The following RFX4 variants were observed in gnomAD, a reference collection of about 807,000 sequenced individuals.
RFX4 encodes regulatory factor X4, also known as transcription factor RFX4.
RFX4 carries 10 observed loss-of-function variants against 95.0 expected under a neutral mutation model. The ratio of observed to expected loss-of-function variants is 0.11; its 90% CI spans 0.06 to 0.18. The LOEUF (loss-of-function observed/expected upper bound fraction) is 0.18. Among genes scored for constraint, RFX4 ranks in the 10% least tolerant of loss-of-function variants. The probability of loss-of-function intolerance (pLI) is 1.00; values close to 1 mark genes in which losing one functional copy is unlikely to be tolerated. For missense variants in RFX4, 640 were observed against 922.0 expected, an observed-to-expected ratio of 0.69 and a Z score of 3.96; for synonymous variants, 321 against 340.7, an observed-to-expected ratio of 0.94 and a Z score of 0.64.
intron 1 of RFX4, chr12:106,585,855 C>T (rs1213173470): frequency 1.3e-5 from 2 of 152,238 alleles, no homozygotes; most frequent in Non-Finnish European, 2.9e-5. Flanking sequence ...AAGGAAAATC[C>T]CCGCGAAGTG....
At chr12:106,737,441 G>A (rs751517505) in intron 15 of RFX4, among the ~76,000 whole-genome samples, 13 of 152,030 alleles carry the variant, frequency 8.6e-5, no homozygotes, top group Non-Finnish European at 1.6e-4. Flanking sequence ...TGTGAGGAGT[G>A]CTAGGTTGGA....
intron 13 of RFX4, among the ~76,000 whole-genome samples, chr12:106,731,819 G>C (rs2042617120): frequency 6.6e-6 from 1 of 152,028 alleles, no homozygotes; most frequent in South Asian, 2.1e-4. Context: ...GAGGCCAGTG[G>C]GTAAGCAAGA....
chr12:106,631,097 C>A (rs1419543672), intron 2 of RFX4, among the ~76,000 whole-genome samples: 4 of 152,178 alleles, frequency 2.6e-5, no homozygotes, highest in African/African-American at 9.7e-5. Context: ...TAAGGCACTG[C>A]ATTTGATGTT....
chr12:106,754,469 G>A (rs1017692420), intron 17 of RFX4, among the ~76,000 whole-genome samples: 15 of 152,230 alleles, frequency 9.9e-5, no homozygotes, highest in African/African-American at 3.6e-4. Context: ...TGCTTTGGTA[G>A]AGCTTATGCT....
At chr12:106,597,601 G>A (rs936411214) in intron 1 of RFX4, among the ~76,000 whole-genome samples, 1 of 152,244 alleles carries the variant, frequency 6.6e-6, no homozygotes, top group Non-Finnish European at 1.5e-5. Context: ...GCTCAAGGAG[G>A]TTGAGTCCCT....
At chr12:106,688,215 G>A (rs995574040) in intron 6 of RFX4, among the ~76,000 whole-genome samples, 6 of 151,732 alleles carry the variant, frequency 4.0e-5, no homozygotes, top group East Asian at 3.9e-4. Flanking sequence ...GATTACAGGC[G>A]CCCGCCATCA....
At chr12:106,660,218 A>T (rs2041044838) in intron 4 of RFX4, among the ~76,000 whole-genome samples, 1 of 151,980 alleles carries the variant, frequency 6.6e-6, no homozygotes, top group Non-Finnish European at 1.5e-5. Context: ...GGAGATATAT[A>T]CACATGAGTG....
chr12:106,634,542 T>G (rs1369439622), intron 2 of RFX4, among the ~76,000 whole-genome samples: 1 of 152,212 alleles, frequency 6.6e-6, no homozygotes, highest in Non-Finnish European at 1.5e-5. Flanking sequence ...ATGACTGTCT[T>G]AAGACTTAAA....
intron 2 of RFX4, among the ~76,000 whole-genome samples, chr12:106,627,917 G>C (rs2040336624): frequency 6.6e-6 from 1 of 152,192 alleles, no homozygotes; most frequent in African/African-American, 2.4e-5. Context: ...CCTAGAGCTA[G>C]GGCAACACTG....
rs535183411 is a variant in RFX4, at chr12:106,622,255, A to G, written c.130+13372A>G. Among the ~76,000 whole-genome samples, 5 of 152,256 alleles carry G rather than the reference A, an allele frequency of 3.3e-5. No homozygotes were observed. The East Asian group carries it at 7.7e-4, about 23-fold the overall frequency. ...AAAATATAATATAACTTACAGTCCCACAACTGTAAGTTACATGTACATATA... is the reference window on the plus strand; with the variant it reads ...AAAATATAATATAACTTACAGTCCCGCAACTGTAAGTTACATGTACATATA... On this transcript the variant is annotated intron_variant, in intron 2 of 17. Transcript: ENST00000392842.
Position 106,655,347 on chromosome 12 carries a change from TG to T in RFX4, c.315+997del, listed in dbSNP as rs531336699. Among the ~76,000 whole-genome samples, 845 of 152,312 alleles carry T rather than the reference TG, an allele frequency of 5.5e-3. 5 individuals carry two copies. Among genetic ancestry groups the T allele is most frequent in the African/African-American group, 0.019 (785 of 41,566 alleles). On this transcript the variant is annotated intron_variant, in intron 4 of 17. Coordinates refer to ENST00000392842, the MANE Select transcript of RFX4 (RefSeq NM_213594.3). ...CATGATTTCTCCAAAGTGAAAGGGA[TG>T]TTTTTTTAAAAGTCAGTGGAGAAAC...
chr12:106,705,495 C>G (rs1045191335), intron 8 of RFX4, among the ~76,000 whole-genome samples: 19 of 152,012 alleles, frequency 1.2e-4, no homozygotes, highest in Admixed American at 5.2e-4. Context: ...CCACAGAGGA[C>G]AGTATGTCAA....
At chr12:106,641,825 A>G (rs2040628835) in intron 3 of RFX4, among the ~76,000 whole-genome samples, 1 of 152,168 alleles carries the variant, frequency 6.6e-6, no homozygotes, top group Non-Finnish European at 1.5e-5. Context: ...ATAAATGTTT[A>G]CTGAGCACCT....
chr12:106,673,392 A>G (rs1466318874), intron 4 of RFX4, among the ~76,000 whole-genome samples: 2 of 152,214 alleles, frequency 1.3e-5, no homozygotes, highest in African/African-American at 2.4e-5. Flanking sequence ...CGGCTGGTGA[A>G]GTCCCAGGAG....
intron 13 of RFX4, among the ~76,000 whole-genome samples, chr12:106,730,937 C>G (rs1334307308): frequency 6.6e-6 from 1 of 152,006 alleles, no homozygotes; most frequent in Non-Finnish European, 1.5e-5. Flanking sequence ...GAGGCAGAGG[C>G]TGCAGTGAGT....
chr12:106,659,470 C>T (rs2041028497), intron 4 of RFX4, among the ~76,000 whole-genome samples: 1 of 152,186 alleles, frequency 6.6e-6, no homozygotes, highest in South Asian at 2.1e-4. Context: ...TTGGCATGCT[C>T]ATGACGTTGT....
chr12:106,759,606 C>G (rs1038536590), intron 17 of RFX4, among the ~76,000 whole-genome samples: 1 of 152,156 alleles, frequency 6.6e-6, no homozygotes, highest in African/African-American at 2.4e-5. Context: ...GCCACACAAA[C>G]AGCATCCTGT....
intron 11 of RFX4, among the ~76,000 whole-genome samples, chr12:106,716,702 A>G (rs2042299468): frequency 6.6e-6 from 1 of 152,122 alleles, no homozygotes; most frequent in Admixed American, 6.5e-5. Flanking sequence ...TAAGAATTTT[A>G]GAGATCATCA....
chr12:106,596,750 T>C (rs955396718), intron 1 of RFX4, among the ~76,000 whole-genome samples: 1 of 152,262 alleles, frequency 6.6e-6, no homozygotes, highest in Non-Finnish European at 1.5e-5. Context: ...CGATTTTATA[T>C]GGTTATTTGG....
Sources: allele counts gnomAD v4.1 joint callset (sites outside exome capture counted in the v4.1 genomes callset), GRCh38; gene constraint gnomAD v4.1.1; transcripts MANE v1.5; gene names NCBI Gene and HGNC (gene_info 2026-07-23, HGNC 2026-07-21).